Variants in POU6F2 observed in about 807,000 individuals in gnomAD.
POU6F2 encodes POU class 6 homeobox 2, also known as POU domain, class 6, transcription factor 2.
POU6F2 carries 31 observed loss-of-function variants against 71.3 expected under a neutral mutation model. The observed-to-expected ratio is 0.43, with a 90% CI of 0.33 to 0.59. The LOEUF (loss-of-function observed/expected upper bound fraction) is 0.59, where lower values mean the gene tolerates loss of function less well. POU6F2 is among the 20% of genes least tolerant of loss of function. POU6F2 has a pLI of 0.04. For synonymous variants in POU6F2, 347 were observed against 355.7 expected (o/e 0.98, Z 0.27); for missense variants, 783 against 856.8 (o/e 0.91, Z 1.07).
chr7:39,193,248 CAA>C (rs938276832), intron 2 of POU6F2, among the ~76,000 whole-genome samples: 25 of 152,026 alleles, frequency 1.6e-4, no homozygotes, highest in African/African-American at 5.1e-4. Context: ...GGAATTTGGT[CAA>C]GTTTTCCTGG....
intron 4 of POU6F2, among the ~76,000 whole-genome samples, chr7:39,261,001 C>T (rs534663869): frequency 4.6e-5 from 7 of 151,854 alleles, no homozygotes; most frequent in Admixed American, 3.9e-4. Context: ...CATCACAGCA[C>T]AGCACATGTA....
chr7:39,080,483 A>G (rs1791094939), intron 1 of POU6F2, among the ~76,000 whole-genome samples: 1 of 152,166 alleles, frequency 6.6e-6, no homozygotes, highest in Non-Finnish European at 1.5e-5. Context: ...CCTTTCTCCC[A>G]AGTTGAAATG....
At chr7:39,183,764 T>G (rs1259408955) in intron 2 of POU6F2, among the ~76,000 whole-genome samples, 5 of 152,120 alleles carry the variant, frequency 3.3e-5, no homozygotes, top group Admixed American at 3.3e-4. Context: ...ATGCCAAGAG[T>G]TCATACAAAC....
chr7:39,136,126 G>A (rs1366876573), intron 2 of POU6F2, among the ~76,000 whole-genome samples: 1 of 152,156 alleles, frequency 6.6e-6, no homozygotes, highest in Admixed American at 6.5e-5. Context: ...TTGCATTCTT[G>A]CATGGGAGTA....
chr7:38,986,861 A>G (rs1441133005), intron 1 of POU6F2, among the ~76,000 whole-genome samples: 1 of 152,158 alleles, frequency 6.6e-6, no homozygotes, highest in Non-Finnish European at 1.5e-5. Context: ...TATACTATAC[A>G]TAGAGTTCTG....
chr7:39,446,983 G>A (rs1481790263), intron 7 of POU6F2, among the ~76,000 whole-genome samples: 4 of 152,110 alleles, frequency 2.6e-5, no homozygotes, highest in Non-Finnish European at 1.5e-5. Flanking sequence ...ATATAAAGAG[G>A]ATACAATACT....
intron 5 of POU6F2, among the ~76,000 whole-genome samples, chr7:39,376,614 A>G (rs974327244): frequency 6.6e-6 from 1 of 152,206 alleles, no homozygotes; most frequent in African/African-American, 2.4e-5. Flanking sequence ...TATTTGAGAA[A>G]CATACCTAAG....
At chr7:39,099,099 A>G (rs920221834) in intron 2 of POU6F2, among the ~76,000 whole-genome samples, 1 of 152,228 alleles carries the variant, frequency 6.6e-6, no homozygotes, top group Non-Finnish European at 1.5e-5. Flanking sequence ...AGGGGACAAT[A>G]GTTCACTCTC....
At chr7:39,147,337 T>A (rs1792644588) in intron 2 of POU6F2, among the ~76,000 whole-genome samples, 1 of 152,164 alleles carries the variant, frequency 6.6e-6, no homozygotes, top group Non-Finnish European at 1.5e-5. Context: ...CATAATCAAG[T>A]GAATCCTACT....
intron 4 of POU6F2, among the ~76,000 whole-genome samples, chr7:39,253,544 A>G (rs562096967): frequency 6.6e-6 from 1 of 152,352 alleles, no homozygotes; most frequent in East Asian, 1.9e-4. Context: ...GCTTCTAATG[A>G]GGGAATGAAA....
intron 4 of POU6F2, among the ~76,000 whole-genome samples, chr7:39,248,936 G>A (rs1335305986): frequency 1.3e-5 from 2 of 152,120 alleles, no homozygotes; most frequent in East Asian, 1.9e-4. Flanking sequence ...ACAGAAGCAT[G>A]CTTTTTCATG....
At chr7:39,301,306 TAGG>T (rs1188815871) in intron 4 of POU6F2, among the ~76,000 whole-genome samples, 1 of 152,228 alleles carries the variant, frequency 6.6e-6, no homozygotes, top group Non-Finnish European at 1.5e-5. Flanking sequence ...TATTCCCCTG[TAGG>T]ATCTGTCAGT....
intron 6 of POU6F2, among the ~76,000 whole-genome samples, chr7:39,423,390 T>G (rs3819423): frequency 0.3 from 45,139 of 151,832 alleles, 7,137 homozygotes; most frequent in East Asian, 0.55. Flanking sequence ...GGTAACATCC[T>G]GGTCTTCTAT....
At chr7:39,436,670 G>T (rs1313460454) in intron 7 of POU6F2, among the ~76,000 whole-genome samples, 4 of 152,150 alleles carry the variant, frequency 2.6e-5, no homozygotes, top group Non-Finnish European at 5.9e-5. Context: ...TTGAATAGGA[G>T]TGGTGAGAGA....
At chr7:39,357,015 C>G (rs1184421431) in intron 5 of POU6F2, among the ~76,000 whole-genome samples, 2 of 152,130 alleles carry the variant, frequency 1.3e-5, no homozygotes, top group African/African-American at 4.8e-5. Flanking sequence ...TCTTGCTATT[C>G]AGAATATAAT....
chr7:39,245,116 C>A (rs1051183583), intron 4 of POU6F2, among the ~76,000 whole-genome samples: 3 of 152,128 alleles, frequency 2.0e-5, no homozygotes, highest in Non-Finnish European at 4.4e-5. Flanking sequence ...AGTGAGTTAC[C>A]ATCAAGCAAA....
At chr7:39,151,113 G>A (rs192640250) in intron 2 of POU6F2, among the ~76,000 whole-genome samples, 4 of 151,688 alleles carry the variant, frequency 2.6e-5, no homozygotes, top group African/African-American at 7.3e-5. Flanking sequence ...AGTTTTCATC[G>A]TGATTCCAAA....
chr7:39,144,054 TTC>T (rs888143435), intron 2 of POU6F2, among the ~76,000 whole-genome samples: 1 of 152,110 alleles, frequency 6.6e-6, no homozygotes, highest in Non-Finnish European at 1.5e-5. Flanking sequence ...CCTCCCTTCC[TTC>T]TCTCTTTCCT....
rs965266618 is a variant in POU6F2 at position 39,285,679 on chromosome 7, C to G, written c.599-53963C>G. On this transcript the variant is annotated intron_variant, in intron 4 of 9. Transcript: ENST00000518318. The stretch of plus-strand genomic sequence containing the variant: ...TGTGAGTTAGATTTTGAAAAAAATA[C>G]ATATTTCAATCAGCCATAGAGGAAA... Among the ~76,000 whole-genome samples, 3 of 152,292 alleles carry G rather than the reference C, an allele frequency of 2.0e-5. No individual in the cohort carries two copies. The South Asian group carries it at 6.2e-4, about 32-fold the overall frequency.
Sources: allele counts gnomAD v4.1 joint callset (sites outside exome capture counted in the v4.1 genomes callset), GRCh38; gene constraint gnomAD v4.1.1; transcripts MANE v1.5; gene names NCBI Gene and HGNC (gene_info 2026-07-23, HGNC 2026-07-21).